The following GLMN variants were observed in gnomAD, a reference collection of about 807,000 sequenced individuals.
The protein encoded by GLMN is glomulin.
GLMN carries 75 observed loss-of-function variants against 87.8 expected under a neutral mutation model. The observed-to-expected ratio is 0.85, with a 90% confidence interval of 0.71 to 1.04. The LOEUF is 1.04. Among genes scored for constraint, GLMN ranks in the 50% least tolerant of loss-of-function variants. The pLI, the probability that GLMN is intolerant of heterozygous loss-of-function variation, is 0.00. For synonymous variants in GLMN, 206 were observed against 221.6 expected (o/e 0.93, Z 0.63); for missense variants, 588 against 658.8 (o/e 0.89, Z 1.18).
intron 7 of GLMN, among the ~76,000 whole-genome samples, chr1:92,278,552 T>C (rs2100971750): frequency 6.6e-6 from 1 of 152,336 alleles, no homozygotes; most frequent in Middle Eastern, 3.4e-3. Flanking sequence ...GGCTCTCATC[T>C]GAAAACAGCT....
intron 16 of GLMN, among the ~76,000 whole-genome samples, chr1:92,258,330 TG>T (rs962076316): frequency 6.6e-6 from 1 of 152,226 alleles, no homozygotes; most frequent in African/African-American, 2.4e-5. Flanking sequence ...TCAACCATTG[TG>T]GAAGACAGTG....
the GLMN span, among the ~76,000 whole-genome samples, chr1:92,332,543 A>G: frequency 6.6e-6 from 1 of 152,174 alleles, no homozygotes. Context: ...GGATGATGTT[A>G]TCTTCCTCTA....
chr1:92,300,378 C>T, upstream of GLMN: 1 of 672,982 alleles, frequency 1.5e-6, no homozygotes, highest in South Asian at 1.9e-5. Flanking sequence ...CTGGGAAGGC[C>T]TATAAATTCT....
chr1:92,313,846 C>T, the GLMN span, among the ~76,000 whole-genome samples: 10 of 152,240 alleles, frequency 6.6e-5, no homozygotes, highest in African/African-American at 2.4e-4. Flanking sequence ...GTACCTTCTA[C>T]ATCAGCACTT....
chr1:92,284,263 C>T (rs575875332), intron 7 of GLMN, among the ~76,000 whole-genome samples: 6 of 152,148 alleles, frequency 3.9e-5, no homozygotes, highest in African/African-American at 1.4e-4. Flanking sequence ...GTACTGGTAC[C>T]GAAACAGATA....
the GLMN span, among the ~76,000 whole-genome samples, chr1:92,328,179 T>G: frequency 2.6e-5 from 4 of 152,192 alleles, no homozygotes; most frequent in Non-Finnish European, 4.4e-5. Flanking sequence ...TCTTTGAGCT[T>G]CTTGTATTTG....
the GLMN span, among the ~76,000 whole-genome samples, chr1:92,345,471 A>G: frequency 6.7e-6 from 1 of 149,204 alleles, no homozygotes; most frequent in African/African-American, 2.5e-5. Flanking sequence ...GAGGGAGGGA[A>G]AGAGGGGAGG....
the GLMN span, chr1:92,333,184 C>G: frequency 2.0e-6 from 1 of 504,172 alleles, no homozygotes. Context: ...AAAACTGACT[C>G]TCCAAAGAGG....
At chr1:92,299,565 G>A (rs1420498221), upstream of GLMN, among the ~76,000 whole-genome samples, 1 of 152,150 alleles carries the variant, frequency 6.6e-6, no homozygotes, top group East Asian at 1.9e-4. Context: ...CAGAGAGGAC[G>A]TTTGGCAGAC....
At chr1:92,317,322 C>A in the GLMN span, among the ~76,000 whole-genome samples, 1 of 152,084 alleles carries the variant, frequency 6.6e-6, no homozygotes, top group Non-Finnish European at 1.5e-5. Flanking sequence ...GCCTGGCCAA[C>A]ATGGTGAAAC....
chr1:92,266,494 TAA>T lies in GLMN; in HGVS notation c.1141-4_1141-3del. ...AAGCATAGCTAAACTCTTTTTCCTC[TAA>T]AATGGAACAAACAATATTATTATAT... On this transcript the variant is annotated splice_polypyrimidine_tract_variant and splice_region_variant and intron_variant, in intron 12 of 18. Coordinates refer to ENST00000370360, the MANE Select transcript of GLMN (RefSeq NM_053274.3). 6.5e-7 allele frequency: 1 copy of T among 1,536,344 alleles called. No homozygotes were observed. The highest frequency in any genetic ancestry group is 9.0e-7 in the Non-Finnish European group (1 of 1,111,314).
At chr1:92,363,748 G>T in the GLMN span, 1 of 360,792 alleles carries the variant, frequency 2.8e-6, no homozygotes, top group South Asian at 2.3e-5. Context: ...CCTTTATGAT[G>T]ATCTACTTCC....
the GLMN span, among the ~76,000 whole-genome samples, chr1:92,351,305 C>CAAA: frequency 7.1e-3 from 615 of 86,556 alleles, 6 homozygotes; most frequent in African/African-American, 0.015. Flanking sequence ...GACTCTGTCT[C>CAAA]AAAAAAAAAA....
intron 16 of GLMN, among the ~76,000 whole-genome samples, chr1:92,262,018 ATAGCTAT>A (rs1655115426): frequency 1.3e-5 from 2 of 152,216 alleles, no homozygotes; most frequent in Admixed American, 1.3e-4. Flanking sequence ...ATGATGGCAA[ATAGCTAT>A]TTTCAGCTGA....
At chr1:92,281,251 C>A (rs532859361) in intron 7 of GLMN, among the ~76,000 whole-genome samples, 3 of 152,316 alleles carry the variant, frequency 2.0e-5, no homozygotes. Flanking sequence ...GGAAGCCCAT[C>A]AGACTAACAG....
Position 92,246,508 on chromosome 1 carries a change from T to G in GLMN, c.*22A>C. On this transcript the variant is annotated 3_prime_UTR_variant, in exon 19 of 19. Coordinates refer to ENST00000370360, the MANE Select transcript of GLMN (RefSeq NM_053274.3). ...ATGGAAAGTACTATATTTTATTAGTTTTTATTTAGGAAATGGAACTTTCAC... is the reference window on the plus strand; with the variant it reads ...ATGGAAAGTACTATATTTTATTAGTGTTTATTTAGGAAATGGAACTTTCAC... 8 of 1,031,904 alleles carry G rather than the reference T, an allele frequency of 7.8e-6. No homozygotes were observed. The highest frequency in any genetic ancestry group is 1.2e-5 in the Non-Finnish European group (8 of 650,848). The allele number at this position is 1,031,904 out of a possible 1,614,324, so 63.9% of individuals were successfully genotyped here. A position where few individuals can be genotyped will look rare whatever the true frequency, so the allele number is the denominator to read the frequency against.
At chr1:92,307,935 A>G in the GLMN span, among the ~76,000 whole-genome samples, 1 of 152,196 alleles carries the variant, frequency 6.6e-6, no homozygotes, top group African/African-American at 2.4e-5. Flanking sequence ...GCTTAATGAG[A>G]TAATGCCCAA....
chr1:92,297,132 T>C (rs78582665), intron 3 of GLMN, among the ~76,000 whole-genome samples: 1 of 151,094 alleles, frequency 6.6e-6, no homozygotes, highest in African/African-American at 2.4e-5. Context: ...TTTTTTTTTT[T>C]TCTGAGACAG....
the GLMN span, among the ~76,000 whole-genome samples, chr1:92,355,678 T>C: frequency 6.6e-6 from 1 of 152,162 alleles, no homozygotes; most frequent in Non-Finnish European, 1.5e-5. Context: ...TTAGTTGACA[T>C]TATACAGGTT....
Sources: allele counts gnomAD v4.1 joint callset (sites outside exome capture counted in the v4.1 genomes callset), GRCh38; gene constraint gnomAD v4.1.1; transcripts MANE v1.5; gene names NCBI Gene and HGNC (gene_info 2026-07-23, HGNC 2026-07-21).